Variants in DCDC1 observed in about 807,000 individuals in gnomAD.
The protein encoded by DCDC1 is doublecortin domain containing 1, also known as doublecortin domain-containing protein 1.
A neutral mutation model predicts 178.3 loss-of-function variants in DCDC1; 200 were observed. The ratio of observed to expected loss-of-function variants is 1.12; its 90% CI spans 1.00 to 1.26. The LOEUF is 1.26. DCDC1 is among the 50% of genes most tolerant of loss of function. The pLI, the probability that DCDC1 is intolerant of heterozygous loss-of-function variation, is 0.00. For missense variants in DCDC1, 1,983 were observed against 1,749.2 expected (o/e 1.13, Z -2.38); for synonymous variants, 690 against 604.8 (o/e 1.14, Z -2.07).
At chr11:31,097,208 T>A (rs1420923221) in intron 15 of DCDC1, among the ~76,000 whole-genome samples, 2 of 152,244 alleles carry the variant, frequency 1.3e-5, no homozygotes. Context: ...CTTGTTTAAT[T>A]ATTTTTCCCA....
At chr11:30,965,541 T>G (rs548899046) in intron 20 of DCDC1, among the ~76,000 whole-genome samples, 141 of 152,124 alleles carry the variant, frequency 9.3e-4, no homozygotes, top group African/African-American at 3.2e-3. Flanking sequence ...ATTTCTTTTT[T>G]TTTTTTTGTT....
intron 20 of DCDC1, among the ~76,000 whole-genome samples, chr11:30,990,696 A>C (rs1202249734): frequency 6.6e-6 from 1 of 152,228 alleles, no homozygotes; most frequent in Non-Finnish European, 1.5e-5. Context: ...CACTAATAAC[A>C]AAGCACGTGT....
Position 30,899,602 on chromosome 11 carries a change from T to C in DCDC1, c.4704A>G (p.Leu1568=). 6.3e-7 allele frequency: 1 copy of C among 1,579,014 alleles called. No individual in the cohort carries two copies. Among genetic ancestry groups the C allele is most frequent in the Non-Finnish European group, 8.6e-7 (1 of 1,161,666 alleles). Residue 1568 remains leucine, a synonymous_variant, in exon 34 of 39, where the codon CTA becomes CTG. Transcript: ENST00000684477. Reference sequence around the variant, plus strand: ...GATCAGCCAAAATTCTGTCCTTTTTTAGCCAGTTCTGTTTCTCTAATTTTT... The same window carrying C: ...GATCAGCCAAAATTCTGTCCTTTTTCAGCCAGTTCTGTTTCTCTAATTTTT... ...KAEKLEKQNW[L]KKDRILADLD... is the part of the protein sequence containing the mutation.
At chr11:31,105,138 C>T (rs1251273158) in intron 13 of DCDC1, among the ~76,000 whole-genome samples, 1 of 151,970 alleles carries the variant, frequency 6.6e-6, no homozygotes, top group Non-Finnish European at 1.5e-5. Flanking sequence ...TTTAAACATT[C>T]CTATGGTAGC....
chr11:30,970,127 T>C (rs1203525456), intron 20 of DCDC1, among the ~76,000 whole-genome samples: 1 of 152,126 alleles, frequency 6.6e-6, no homozygotes, highest in Admixed American at 6.5e-5. Context: ...GTAAGTAAGA[T>C]ATCCCTAGCA....
chr11:30,950,804 G>T (rs1301209940), intron 21 of DCDC1, among the ~76,000 whole-genome samples: 1 of 151,918 alleles, frequency 6.6e-6, no homozygotes, highest in Non-Finnish European at 1.5e-5. Context: ...TAGCACGATA[G>T]AATGACTAAA....
At chr11:31,094,662 A>C (rs756737930) in intron 15 of DCDC1, among the ~76,000 whole-genome samples, 3 of 152,180 alleles carry the variant, frequency 2.0e-5, no homozygotes, top group Non-Finnish European at 2.9e-5. Flanking sequence ...TTCCAAGTAA[A>C]GGCAAGGAAG....
intron 7 of DCDC1, among the ~76,000 whole-genome samples, chr11:31,285,661 T>C (rs1254019985): frequency 6.6e-6 from 1 of 152,156 alleles, no homozygotes; most frequent in Admixed American, 6.6e-5. Context: ...GTAAACATCA[T>C]AGAAATATAT....
intron 3 of DCDC1, among the ~76,000 whole-genome samples, chr11:31,314,288 T>C (rs1332829957): frequency 6.6e-6 from 1 of 152,214 alleles, no homozygotes; most frequent in Non-Finnish European, 1.5e-5. Flanking sequence ...ACAAGAACAT[T>C]AATCATATTA....
chr11:30,970,967 G>T (rs1386982268), intron 20 of DCDC1, among the ~76,000 whole-genome samples: 1 of 152,132 alleles, frequency 6.6e-6, no homozygotes, highest in Non-Finnish European at 1.5e-5. Context: ...CCTTCCAGAG[G>T]CCTGAGGTTG....
At chr11:31,023,514 GGA>G (rs1590793819) in intron 20 of DCDC1, among the ~76,000 whole-genome samples, 1 of 151,822 alleles carries the variant, frequency 6.6e-6, no homozygotes, top group Admixed American at 6.6e-5. Context: ...TGAAAAATGA[GGA>G]GAGACGCAGA....
intron 8 of DCDC1, among the ~76,000 whole-genome samples, chr11:31,261,049 T>C (rs1944748673): frequency 6.6e-6 from 1 of 152,168 alleles, no homozygotes; most frequent in African/African-American, 2.4e-5. Flanking sequence ...GATTCTGAAA[T>C]TAGATTAAGT....
In DCDC1 at chr11:31,064,517, G is replaced by T; in HGVS notation, c.2543C>A (p.Ala848Glu). 1 of 765,896 alleles carries T rather than the reference G, an allele frequency of 1.3e-6. No homozygotes were observed. Among genetic ancestry groups the T allele is most frequent in the Non-Finnish European group, 2.4e-6 (1 of 417,548 alleles). 47.4% of individuals were successfully genotyped at this position (765,896 alleles called of 1,614,324 possible). A position where few individuals can be genotyped will look rare whatever the true frequency, so the allele number is the denominator to read the frequency against. The change falls in exon 20 of 39, where the codon GCA becomes GAA. Residue 848 changes from alanine to glutamate, a missense_variant. Coordinates refer to ENST00000684477, the MANE Select transcript of DCDC1 (RefSeq NM_001387274.1). ...SLEETGELTVALVRKLEEKHP... is the reference protein window; with the variant it reads ...SLEETGELTVELVRKLEEKHP... ...TTTCTCTTCCAGTTTCCTCACCAGTGCTACTGTCAGCTCCCCCGTCTCCTC... is the reference window on the plus strand; with the variant it reads ...TTTCTCTTCCAGTTTCCTCACCAGTTCTACTGTCAGCTCCCCCGTCTCCTC...
At chr11:31,365,991 ATAT>A (rs138443124) in intron 1 of DCDC1, among the ~76,000 whole-genome samples, 40,094 of 152,048 alleles carry the variant, frequency 0.26, 6,590 homozygotes, top group Non-Finnish European at 0.35. Flanking sequence ...TGTGCAACAA[ATAT>A]TATTAATTAA....
At chr11:31,114,901 T>G (rs992530457) in intron 11 of DCDC1, among the ~76,000 whole-genome samples, 2 of 152,182 alleles carry the variant, frequency 1.3e-5, no homozygotes, top group African/African-American at 4.8e-5. Flanking sequence ...AACAAGAGTA[T>G]TAACAATTGA....
chr11:30,919,526 G>A (rs1209016109), intron 25 of DCDC1, among the ~76,000 whole-genome samples: 1 of 152,046 alleles, frequency 6.6e-6, no homozygotes, highest in African/African-American at 2.4e-5. Context: ...TTTTTTCCAA[G>A]TGCAGACTAA....
chr11:31,108,848 C>T, intron 12 of DCDC1, among the ~76,000 whole-genome samples: 1 of 152,118 alleles, frequency 6.6e-6, no homozygotes, highest in East Asian at 1.9e-4. Context: ...ACCCATTTAT[C>T]TTTAAAGCTA....
intron 36 of DCDC1, chr11:30,882,625 G>A (rs944765337): frequency 6.6e-6 from 1 of 152,026 alleles, no homozygotes; most frequent in East Asian, 1.9e-4. Context: ...TACCATTGAG[G>A]GAGGATTCTG....
Position 30,866,887 on chromosome 11 carries a change from T to A in DCDC1, c.*41-1555A>T, listed in dbSNP as rs571859803. On this transcript the variant is annotated intron_variant, in intron 38 of 38. Coordinates refer to ENST00000684477, the MANE Select transcript of DCDC1 (RefSeq NM_001387274.1). ...TGAGGGATTTACCCTCATAAATGGA[T>A]TAATGCTGCTATAAAAAGGGCATGT... is the stretch of plus-strand genomic sequence containing the variant. 5.3e-5 allele frequency among the ~76,000 whole-genome samples: 8 copies of A among 152,218 alleles called. No homozygotes were observed. The South Asian group carries it at 1.7e-3, about 32-fold the overall frequency.
Sources: gnomAD v4.1 joint callset for allele counts (sites outside exome capture counted in the v4.1 genomes callset) on GRCh38, gnomAD v4.1.1 for gene constraint, MANE v1.5 for transcripts, NCBI Gene and HGNC (gene_info 2026-07-23, HGNC 2026-07-21) for gene names.